The following CLMP variants were observed in gnomAD, a reference collection of about 807,000 sequenced individuals.
The protein encoded by CLMP is CXADR like cell adhesion molecule.
In CLMP, 27 loss-of-function variants were observed where a neutral mutation model predicts 45.2. That is an observed-to-expected ratio of 0.60 (90% confidence interval 0.44 to 0.82). CLMP has a LOEUF of 0.82. Among genes scored for constraint, CLMP ranks in the 40% least tolerant of loss-of-function variants. The pLI, the probability that CLMP is intolerant of heterozygous loss-of-function variation, is 0.00. For synonymous variants in CLMP, 167 were observed against 171.4 expected (o/e 0.97, Z 0.20); for missense variants, 403 against 448.4 (o/e 0.90, Z 0.91).
chr11:123,123,538 G>A (rs1048348760), intron 1 of CLMP, among the ~76,000 whole-genome samples: 8 of 152,156 alleles, frequency 5.3e-5, no homozygotes, highest in Admixed American at 5.2e-4. Flanking sequence ...GATTACAGGG[G>A]TAATCCCACT....
At chr11:123,141,310 G>A (rs111321660) in intron 1 of CLMP, among the ~76,000 whole-genome samples, 20,393 of 147,986 alleles carry the variant, frequency 0.14, 1,523 homozygotes, top group Non-Finnish European at 0.17. Context: ...TCAGCCTCCC[G>A]AGTAGCTGGG....
chr11:123,176,663 A>G (rs1401845945), intron 1 of CLMP, among the ~76,000 whole-genome samples: 1 of 152,152 alleles, frequency 6.6e-6, no homozygotes, highest in Non-Finnish European at 1.5e-5. Flanking sequence ...TGACCCCAGA[A>G]GCAGCCTTAC....
chr11:123,162,730 T>C (rs1861503182), intron 1 of CLMP, among the ~76,000 whole-genome samples: 1 of 143,794 alleles, frequency 7.0e-6, no homozygotes, highest in South Asian at 2.2e-4. Context: ...ACATTGTCTC[T>C]AAAAAAAAAA....
intron 1 of CLMP, among the ~76,000 whole-genome samples, chr11:123,131,587 C>T (rs1286828292): frequency 1.3e-5 from 2 of 151,566 alleles, no homozygotes; most frequent in African/African-American, 2.4e-5. Context: ...TGATTCTGAC[C>T]TTAATCTATC....
intron 2 of CLMP, among the ~76,000 whole-genome samples, chr11:123,097,294 T>A (rs950741789): frequency 1.3e-5 from 2 of 152,070 alleles, no homozygotes; most frequent in African/African-American, 4.8e-5. Context: ...GCCTCCCAAG[T>A]GGCTGACACT....
At chr11:123,089,142 T>C (rs1865897750) in intron 2 of CLMP, among the ~76,000 whole-genome samples, 1 of 152,078 alleles carries the variant, frequency 6.6e-6, no homozygotes, top group Admixed American at 6.6e-5. Context: ...CCCAGCACTT[T>C]GGGAGGCCAA....
chr11:123,154,983 G>A (rs1293381367), intron 1 of CLMP, among the ~76,000 whole-genome samples: 1 of 152,130 alleles, frequency 6.6e-6, no homozygotes, highest in Non-Finnish European at 1.5e-5. Flanking sequence ...TAGAATAGAT[G>A]ATACAGAAAT....
intron 1 of CLMP, among the ~76,000 whole-genome samples, chr11:123,181,020 C>T (rs1861761738): frequency 6.6e-6 from 1 of 152,196 alleles, no homozygotes; most frequent in South Asian, 2.1e-4. Context: ...CCTCCAACCT[C>T]AGTGTCAAGA....
intron 1 of CLMP, among the ~76,000 whole-genome samples, chr11:123,152,919 T>G (rs975934453): frequency 6.6e-6 from 1 of 152,110 alleles, no homozygotes; most frequent in African/African-American, 2.4e-5. Context: ...ATAGAGGTTG[T>G]GTGCGTAATA....
chr11:123,150,441 AAG>A (rs1861300194), intron 1 of CLMP, among the ~76,000 whole-genome samples: 1 of 74,108 alleles, frequency 1.3e-5, no homozygotes, highest in African/African-American at 5.4e-5. Flanking sequence ...GAAAGAAAGA[AAG>A]AAAGAAAGAA....
chr11:123,172,332 C>T (rs1195426351), intron 1 of CLMP, among the ~76,000 whole-genome samples: 5 of 151,966 alleles, frequency 3.3e-5, no homozygotes, highest in South Asian at 2.1e-4. Flanking sequence ...AGGATGGTCT[C>T]GATCTCCTGA....
At chr11:123,107,906 C>T (rs536559928) in intron 1 of CLMP, among the ~76,000 whole-genome samples, 12 of 152,162 alleles carry the variant, frequency 7.9e-5, no homozygotes, top group African/African-American at 2.9e-4. Context: ...TTATTCCTCA[C>T]AACAACAGCC....
intron 1 of CLMP, among the ~76,000 whole-genome samples, chr11:123,103,890 C>T (rs1366623740): frequency 2.0e-5 from 3 of 148,180 alleles, no homozygotes; most frequent in Admixed American, 6.8e-5. Context: ...AGTGCAGTCG[C>T]GCAATCTCGG....
intron 1 of CLMP, among the ~76,000 whole-genome samples, chr11:123,100,094 G>A (rs1435283094): frequency 5.9e-5 from 9 of 152,164 alleles, no homozygotes; most frequent in African/African-American, 2.4e-5. Flanking sequence ...GACTGGGCCC[G>A]GCACGGTGGC....
At chr11:123,083,624 C>G in intron 4 of CLMP, 56 bp downstream of exon 4, 2 of 1,567,540 alleles carry the variant, frequency 1.3e-6, no homozygotes, top group Non-Finnish European at 1.8e-6. Flanking sequence ...TGATTTAGAG[C>G]TCACGGATAG....
chr11:123,086,851 G>C (rs542561024), intron 2 of CLMP, among the ~76,000 whole-genome samples: 1 of 152,110 alleles, frequency 6.6e-6, no homozygotes, highest in Non-Finnish European at 1.5e-5. Flanking sequence ...CTGTACTCCA[G>C]CCTGGGTGAC....
intron 5 of CLMP, among the ~76,000 whole-genome samples, chr11:123,078,087 CAA>C (rs1865760886): frequency 6.6e-6 from 1 of 151,482 alleles, no homozygotes; most frequent in African/African-American, 2.4e-5. Flanking sequence ...GCCTGTGCAA[CAA>C]GAGTGAAACT....
intron 1 of CLMP, among the ~76,000 whole-genome samples, chr11:123,113,404 C>T (rs759894431): frequency 6.6e-6 from 1 of 152,156 alleles, no homozygotes; most frequent in African/African-American, 2.4e-5. Context: ...AAGAGTCAAA[C>T]TGTTTTAGGA....
chr11:123,076,610 G>A (rs1865743279), intron 5 of CLMP, among the ~76,000 whole-genome samples: 1 of 152,156 alleles, frequency 6.6e-6, no homozygotes, highest in Non-Finnish European at 1.5e-5. Flanking sequence ...TCTAGGAACA[G>A]AGCATTCCAG....
Sources: gnomAD v4.1 joint callset for allele counts (sites outside exome capture counted in the v4.1 genomes callset) on GRCh38, gnomAD v4.1.1 for gene constraint, MANE v1.5 for transcripts, NCBI Gene and HGNC (gene_info 2026-07-23, HGNC 2026-07-21) for gene names.